The following FGF10 variants were observed in gnomAD, a reference collection of about 807,000 sequenced individuals.
FGF10 encodes the protein FGF-10.
Under a neutral mutation model 19.8 loss-of-function variants are expected in FGF10, and 2 were observed. The ratio of observed to expected loss-of-function variants is 0.10; its 90% confidence interval spans 0.04 to 0.32. FGF10 has a LOEUF of 0.32. Ranked by LOEUF, FGF10 falls within the 10% of genes least tolerant of loss-of-function variation. The pLI is 1.00. For missense variants in FGF10, 191 were observed against 246.3 expected (o/e 0.78, Z 1.50); for synonymous variants, 112 against 94.0 (o/e 1.19, Z -1.10).
chr5:44,310,151 G>A (rs1452541338), intron 2 of FGF10, among the ~76,000 whole-genome samples: 2 of 152,094 alleles, frequency 1.3e-5, no homozygotes, highest in African/African-American at 2.4e-5. Flanking sequence ...CTGACCGGAT[G>A]CTTCCGTGAG....
At chr5:44,307,878 G>C (rs1740118643) in intron 2 of FGF10, among the ~76,000 whole-genome samples, 1 of 152,146 alleles carries the variant, frequency 6.6e-6, no homozygotes, top group African/African-American at 2.4e-5. Context: ...GAATGTTATG[G>C]TTAGAGAATG....
intron 1 of FGF10, among the ~76,000 whole-genome samples, chr5:44,318,644 A>G (rs1214412279): frequency 5.3e-5 from 8 of 152,170 alleles, no homozygotes. Context: ...TTGCAATGTT[A>G]TCACTTCTGG....
Position 44,346,958 on chromosome 5 carries a change from T to C in FGF10, c.326-36428A>G, listed in dbSNP as rs1235330940. ...TATTTTGTTTCTTAAAAAATAAAATTATAAATTATAAATTTCAAAAAATGA... is the reference window on the plus strand; with the variant it reads ...TATTTTGTTTCTTAAAAAATAAAATCATAAATTATAAATTTCAAAAAATGA... On this transcript the variant is annotated intron_variant, in intron 1 of 2. Transcript: ENST00000264664. 2.6e-5 allele frequency among the ~76,000 whole-genome samples: 4 copies of C among 151,894 alleles called. No individual in the cohort carries two copies. The East Asian group carries it at 7.8e-4, about 30-fold the overall frequency.
chr5:44,322,994 C>T (rs1026798105), intron 1 of FGF10, among the ~76,000 whole-genome samples: 4 of 152,046 alleles, frequency 2.6e-5, no homozygotes, highest in Non-Finnish European at 5.9e-5. Context: ...AGTTGGGGAA[C>T]ACTGCTATAA....
rs1290201669 is a variant in FGF10 at position 44,304,138 on chromosome 5, G to C, written c.*857C>G. 1 of 152,086 alleles carries C rather than the reference G, an allele frequency of 6.6e-6. No homozygotes were observed. The highest frequency in any genetic ancestry group is 2.4e-5 in the African/African-American group (1 of 41,416). The allele number at this position is 152,086 out of a possible 1,614,324, so 9.4% of individuals were successfully genotyped here. ...GCACAGCATTGCCATATTTATTGTTGATGGTTATTACTGCAGAAGTGCAAA... is the reference window on the plus strand; with the variant it reads ...GCACAGCATTGCCATATTTATTGTTCATGGTTATTACTGCAGAAGTGCAAA... On this transcript the variant is annotated 3_prime_UTR_variant, in exon 3 of 3. Transcript: ENST00000264664.
chr5:44,301,611 A>G lies in FGF10; in HGVS notation c.*3384T>C, dbSNP rs1739965673. 6.6e-6 allele frequency among the ~76,000 whole-genome samples: 1 copy of G among 152,226 alleles called. No individual in the cohort carries two copies. The highest frequency in any genetic ancestry group is 2.1e-4 in the South Asian group (1 of 4,838). Reference sequence around the variant, plus strand: ...ATTCATTTTTCTTTATCCACTGTGTAAATTAGGTGGACCTGAATATTTAGA... The same window carrying G: ...ATTCATTTTTCTTTATCCACTGTGTGAATTAGGTGGACCTGAATATTTAGA... On this transcript the variant is annotated 3_prime_UTR_variant, in exon 3 of 3. Coordinates refer to ENST00000264664, the MANE Select transcript of FGF10 (RefSeq NM_004465.2).
chr5:44,324,961 A>C (rs1350100451), intron 1 of FGF10, among the ~76,000 whole-genome samples: 5 of 152,200 alleles, frequency 3.3e-5, no homozygotes, highest in African/African-American at 1.2e-4. Context: ...ACATAATTTC[A>C]ATGTAGATTA....
At chr5:44,382,941 T>A (rs1424951624) in intron 1 of FGF10, among the ~76,000 whole-genome samples, 1 of 152,150 alleles carries the variant, frequency 6.6e-6, no homozygotes, top group Non-Finnish European at 1.5e-5. Context: ...CATTGCAAAG[T>A]TCACAGAATT....
chr5:44,340,081 T>C (rs1348824395), intron 1 of FGF10, among the ~76,000 whole-genome samples: 2 of 152,080 alleles, frequency 1.3e-5, no homozygotes, highest in Non-Finnish European at 2.9e-5. Flanking sequence ...AAAGTGGCCA[T>C]GAAATTTTCC....
chr5:44,334,609 A>G (rs1358956294), intron 1 of FGF10, among the ~76,000 whole-genome samples: 1 of 152,182 alleles, frequency 6.6e-6, no homozygotes, highest in Non-Finnish European at 1.5e-5. Context: ...ATTGGACACA[A>G]TAAATGTCCT....
At chr5:44,369,602 C>T (rs1741700483) in intron 1 of FGF10, among the ~76,000 whole-genome samples, 1 of 152,096 alleles carries the variant, frequency 6.6e-6, no homozygotes, top group Non-Finnish European at 1.5e-5. Flanking sequence ...AAACAGCCAG[C>T]TTTTGATGAA....
At chr5:44,345,115 A>G (rs956150049) in intron 1 of FGF10, among the ~76,000 whole-genome samples, 14 of 151,920 alleles carry the variant, frequency 9.2e-5, no homozygotes, top group Non-Finnish European at 2.1e-4. Flanking sequence ...TTTATTTTAA[A>G]GCATCCACAC....
chr5:44,325,575 G>A (rs1474746433), intron 1 of FGF10, among the ~76,000 whole-genome samples: 1 of 152,150 alleles, frequency 6.6e-6, no homozygotes, highest in Non-Finnish European at 1.5e-5. Flanking sequence ...ATGAGTTCAT[G>A]TCCTTTGTAG....
chr5:44,386,972 G>A (rs978819438), intron 1 of FGF10, among the ~76,000 whole-genome samples: 4 of 152,194 alleles, frequency 2.6e-5, no homozygotes, highest in Non-Finnish European at 4.4e-5. Flanking sequence ...ATGTTTGACT[G>A]ACGTATTTAA....
intron 1 of FGF10, among the ~76,000 whole-genome samples, chr5:44,379,488 T>A (rs1039510414): frequency 6.6e-6 from 1 of 152,222 alleles, no homozygotes; most frequent in Non-Finnish European, 1.5e-5. Context: ...TGCCTACAGG[T>A]CTGCGGCTTC....
intron 1 of FGF10, among the ~76,000 whole-genome samples, chr5:44,375,037 G>A (rs1241210998): frequency 1.3e-5 from 2 of 152,104 alleles, no homozygotes; most frequent in African/African-American, 4.8e-5. Flanking sequence ...CATCATTTTA[G>A]GTAGGTAGCA....
intron 1 of FGF10, among the ~76,000 whole-genome samples, chr5:44,359,527 A>G (rs1351765413): frequency 6.6e-6 from 1 of 151,434 alleles, no homozygotes; most frequent in African/African-American, 2.4e-5. Context: ...AGGGTGTTGT[A>G]CAGTGGACTT....
At position 44,304,883 on chromosome 5, in the gene FGF10, C is replaced by G. The variant is rs1740039262; in HGVS notation, c.*112G>C. The G allele has an allele frequency of 1.9e-6, 2 of 1,068,780 alleles. No individual in the cohort carries two copies. Among genetic ancestry groups the G allele is most frequent in the Non-Finnish European group, 2.9e-6 (2 of 690,818 alleles). 66.2% of individuals were successfully genotyped at this position (1,068,780 alleles called of 1,614,324 possible). A position where few individuals can be genotyped will look rare whatever the true frequency, so the allele number is the denominator to read the frequency against. ...AAAGGCTGGCTTTCTTTTAAGCAAG[C>G]AGACATCTGCAACGTGTCTTTGCCT... On this transcript the variant is annotated 3_prime_UTR_variant, in exon 3 of 3. Coordinates refer to ENST00000264664, the MANE Select transcript of FGF10 (RefSeq NM_004465.2).
chr5:44,320,908 A>C (rs890241328), intron 1 of FGF10, among the ~76,000 whole-genome samples: 2 of 151,830 alleles, frequency 1.3e-5, no homozygotes, highest in South Asian at 2.1e-4. Flanking sequence ...ATGGGGTTTC[A>C]CCATGTTGCT....
Sources: allele counts gnomAD v4.1 joint callset (sites outside exome capture counted in the v4.1 genomes callset), GRCh38; gene constraint gnomAD v4.1.1; transcripts MANE v1.5; gene names NCBI Gene and HGNC (gene_info 2026-07-23, HGNC 2026-07-21).